Variants in NOTCH2NLC observed in about 807,000 individuals in gnomAD.
The protein encoded by NOTCH2NLC is notch homolog 2 N-terminal-like protein C.
Under a neutral mutation model 17.7 loss-of-function variants are expected in NOTCH2NLC, and 4 were observed. The observed-to-expected ratio is 0.23, with a 90% CI of 0.11 to 0.52. The LOEUF is 0.52. NOTCH2NLC is among the 20% of genes least tolerant of loss of function. NOTCH2NLC has a pLI of 0.96. For missense variants in NOTCH2NLC, 57 were observed against 207.2 expected, an observed-to-expected ratio of 0.28 and a Z score of 4.45; for synonymous variants, 18 against 86.0, an observed-to-expected ratio of 0.21 and a Z score of 4.38.
At chr1:149,424,501 G>A (rs1158371430) in intron 1 of NOTCH2NLC, among the ~76,000 whole-genome samples, 1 of 150,988 alleles carries the variant, frequency 6.6e-6, no homozygotes, top group Admixed American at 6.6e-5. Flanking sequence ...GCAGTGCCTA[G>A]TAGGGGACAA....
intron 1 of NOTCH2NLC, among the ~76,000 whole-genome samples, chr1:149,416,578 A>T (rs1234031467): frequency 3.3e-5 from 3 of 92,212 alleles, no homozygotes; most frequent in African/African-American, 1.3e-4. Flanking sequence ...TCTTGTCAAG[A>T]TAGGGTATAT....
intron 1 of NOTCH2NLC, among the ~76,000 whole-genome samples, chr1:149,417,388 G>T (rs1209233213): frequency 6.6e-6 from 1 of 151,160 alleles, no homozygotes; most frequent in Non-Finnish European, 1.5e-5. Flanking sequence ...GATTACAGGC[G>T]TGAGCCACCG....
Position 149,466,337 on chromosome 1 carries a change from G to T in NOTCH2NLC, c.*2184G>T, listed in dbSNP as rs2084684127. ...AAAGTAGTTACATAGACTAGTTCTT[G>T]CTTTTCAGGGTCCCATAATCTAAAC... On this transcript the variant is annotated 3_prime_UTR_variant, in exon 5 of 5. Coordinates refer to ENST00000650865, the MANE Select transcript of NOTCH2NLC (RefSeq NM_001364013.2). 6.8e-6 allele frequency: 1 copy of T among 146,032 alleles called. No homozygotes were observed. 9.0% of individuals were successfully genotyped at this position (146,032 alleles called of 1,614,324 possible).
intron 2 of NOTCH2NLC, among the ~76,000 whole-genome samples, chr1:149,442,136 C>G (rs1306125710): frequency 6.7e-6 from 1 of 150,288 alleles, no homozygotes; most frequent in Admixed American, 6.6e-5. Flanking sequence ...AGAAAACAGG[C>G]TCTCATGTTG....
intron 1 of NOTCH2NLC, among the ~76,000 whole-genome samples, chr1:149,424,939 G>T (rs1175227612): frequency 6.6e-6 from 1 of 151,304 alleles, no homozygotes; most frequent in Non-Finnish European, 1.5e-5. Context: ...ATTCATGAGA[G>T]ATCTGCCCCC....
At chr1:149,415,551 TA>T (rs1291780974) in intron 1 of NOTCH2NLC, among the ~76,000 whole-genome samples, 44 of 141,172 alleles carry the variant, frequency 3.1e-4, no homozygotes, top group Non-Finnish European at 3.1e-5. Context: ...TGTTTCCAAA[TA>T]TTTTTTTCAG....
chr1:149,428,823 A>G (rs1191006193), intron 1 of NOTCH2NLC, among the ~76,000 whole-genome samples: 1 of 150,512 alleles, frequency 6.6e-6, no homozygotes, highest in Non-Finnish European at 1.5e-5. Context: ...GCAGGGGGAC[A>G]GAGCTACAGC....
intron 2 of NOTCH2NLC, among the ~76,000 whole-genome samples, chr1:149,432,702 T>C (rs1449536482): frequency 6.7e-6 from 1 of 150,020 alleles, no homozygotes; most frequent in Non-Finnish European, 1.5e-5. Flanking sequence ...CTTAGTCTTA[T>C]GCATTTTTTG....
chr1:149,460,769 GA>G (rs1244060368), intron 3 of NOTCH2NLC, among the ~76,000 whole-genome samples: 12 of 149,292 alleles, frequency 8.0e-5, no homozygotes, highest in Non-Finnish European at 1.5e-5. Flanking sequence ...TCCACTCAGA[GA>G]TGAAGAAGCA....
At chr1:149,398,160 C>T (rs1384460615) in intron 1 of NOTCH2NLC, among the ~76,000 whole-genome samples, 4 of 151,278 alleles carry the variant, frequency 2.6e-5, no homozygotes, top group African/African-American at 7.3e-5. Context: ...CTCCAGCTCA[C>T]CCTTGCTGGG....
At chr1:149,393,314 C>T (rs1453256335) in intron 1 of NOTCH2NLC, among the ~76,000 whole-genome samples, 1 of 150,970 alleles carries the variant, frequency 6.6e-6, no homozygotes, top group Admixed American at 6.6e-5. Flanking sequence ...AGATGCTAAA[C>T]TAATGCAGTA....
chr1:149,391,029 C>T (rs1477422858), intron 1 of NOTCH2NLC, 107 bp downstream of exon 1: 4 of 994,476 alleles, frequency 4.0e-6, no homozygotes, highest in Non-Finnish European at 5.0e-6. Flanking sequence ...GGCTCGGCCG[C>T]CGGCGCGGAG....
intron 2 of NOTCH2NLC, among the ~76,000 whole-genome samples, chr1:149,449,840 C>T (rs1465417869): frequency 2.0e-5 from 3 of 151,118 alleles, no homozygotes; most frequent in Non-Finnish European, 4.4e-5. Context: ...CTTTTTATCT[C>T]TACGGATTTG....
chr1:149,412,116 CA>C (rs71649388), intron 1 of NOTCH2NLC, among the ~76,000 whole-genome samples: 238 of 49,316 alleles, frequency 4.8e-3, no homozygotes, highest in African/African-American at 9.5e-3. Flanking sequence ...ATCCTGTCTC[CA>C]AAAAAAAAAA....
At position 149,423,249 on chromosome 1, in the gene NOTCH2NLC, GT is replaced by G. The variant is rs1233587636; in HGVS notation, c.136-7683del. On this transcript the variant is annotated intron_variant, in intron 1 of 4. Coordinates refer to ENST00000650865, the MANE Select transcript of NOTCH2NLC (RefSeq NM_001364013.2). ...TTTATCTCTTATTGCTTTTTTTTGG[GT>G]TTTTTTTTTCCTTTTAATCAAGACA... is the stretch of plus-strand genomic sequence containing the variant. Among the ~76,000 whole-genome samples, 575 of 146,348 alleles carry G rather than the reference GT, an allele frequency of 3.9e-3. 9 individuals are homozygous for G. The highest frequency in any genetic ancestry group is 0.013 in the African/African-American group (534 of 39,926).
chr1:149,451,450 G>A, intron 2 of NOTCH2NLC, among the ~76,000 whole-genome samples: 4 of 147,868 alleles, frequency 2.7e-5, no homozygotes, highest in Admixed American at 2.7e-4. Context: ...GAAAGTGTGG[G>A]TTAAAAGAGA....
chr1:149,414,527 A>G lies in NOTCH2NLC; in HGVS notation c.136-16415A>G, dbSNP rs1334415527. Among the ~76,000 whole-genome samples the G allele has an allele frequency of 3.2e-4, 48 of 151,144 alleles. 1 individual carries two copies. The highest frequency in any genetic ancestry group is 1.1e-3 in the African/African-American group (47 of 41,302). ...CCCTTCACACCCTTAAAAAATGTATACCCCAAGAAAAACATTTTTAAAGCA... is the reference window on the plus strand; with the variant it reads ...CCCTTCACACCCTTAAAAAATGTATGCCCCAAGAAAAACATTTTTAAAGCA... On this transcript the variant is annotated intron_variant, in intron 1 of 4. Coordinates refer to ENST00000650865, the MANE Select transcript of NOTCH2NLC (RefSeq NM_001364013.2).
chr1:149,445,440 A>G (rs1194900074), intron 2 of NOTCH2NLC, among the ~76,000 whole-genome samples: 2 of 140,398 alleles, frequency 1.4e-5, no homozygotes, highest in East Asian at 2.2e-4. Flanking sequence ...GAAAGAACAG[A>G]CTGATTTGGA....
chr1:149,398,735 G>A lies in NOTCH2NLC; in HGVS notation c.135+7813G>A, dbSNP rs1220739211. On this transcript the variant is annotated intron_variant, in intron 1 of 4. Transcript: ENST00000650865. ...CCTCTGGCTAGGCAGTGAGGGGCTGGGTTTTTCTTTCCATTGGACTGAAGC... is the reference window on the plus strand; with the variant it reads ...CCTCTGGCTAGGCAGTGAGGGGCTGAGTTTTTCTTTCCATTGGACTGAAGC... 2.8e-3 allele frequency among the ~76,000 whole-genome samples: 423 copies of A among 151,114 alleles called. 6 individuals are homozygous for A. The highest frequency in any genetic ancestry group is 1.0e-2 in the African/African-American group (411 of 41,170).
Sources: gnomAD v4.1 joint callset for allele counts (sites outside exome capture counted in the v4.1 genomes callset) on GRCh38, gnomAD v4.1.1 for gene constraint, MANE v1.5 for transcripts, NCBI Gene and HGNC (gene_info 2026-07-23, HGNC 2026-07-21) for gene names.